The following PRSS23 variants were observed in gnomAD, a reference collection of about 807,000 sequenced individuals.
The protein encoded by PRSS23 is protease, serine 23.
Under a neutral mutation model 34.7 loss-of-function variants are expected in PRSS23, and 25 were observed. The observed-to-expected ratio is 0.72, with a 90% CI of 0.53 to 1.01. The LOEUF is 1.01. Among genes scored for constraint, PRSS23 ranks in the 50% least tolerant of loss-of-function variants. The probability of loss-of-function intolerance (pLI) is 0.00; values close to 1 mark genes in which losing one functional copy is unlikely to be tolerated. For missense variants in PRSS23, 445 were observed against 475.6 expected (o/e 0.94, Z 0.60); for synonymous variants, 176 against 186.6 (o/e 0.94, Z 0.46).
chr11:86,821,155 C>T, intron 1 of PRSS23: 1 of 629,616 alleles, frequency 1.6e-6, no homozygotes, highest in South Asian at 2.3e-5. Flanking sequence ...CTTCACTTTC[C>T]CCAGAAACTG....
intron 2 of PRSS23, among the ~76,000 whole-genome samples, chr11:86,851,435 C>T (rs913224412): frequency 6.6e-6 from 1 of 152,188 alleles, no homozygotes; most frequent in Non-Finnish European, 1.5e-5. Context: ...ACTGGTCTAG[C>T]TGTGGTCTAC....
chr11:86,814,903 G>C (rs1002021945), downstream of PRSS23, among the ~76,000 whole-genome samples: 3 of 152,172 alleles, frequency 2.0e-5, no homozygotes, highest in Admixed American at 2.0e-4. Flanking sequence ...CTTCACTGTG[G>C]TATTTGTCTA....
At chr11:86,887,944 C>T (rs1037551507) in intron 2 of PRSS23, among the ~76,000 whole-genome samples, 2 of 151,516 alleles carry the variant, frequency 1.3e-5, no homozygotes, top group South Asian at 4.2e-4. Flanking sequence ...CCCAGCTACT[C>T]GGGAGGCTGA....
In PRSS23 at chr11:86,808,177, C is replaced by T. The variant is rs139165833; in HGVS notation, c.534C>T (p.His178=). The T allele has an allele frequency of 1.4e-4, 229 of 1,614,162 alleles. 1 individual carries two copies. In the Middle Eastern group the frequency reaches 1.6e-3, roughly 12 times the overall value. ...TCCTCACAGCTGCCCACTGCATACA[C>T]GATGGAAAAACCTATGTGAAAGGAA... is the stretch of plus-strand genomic sequence containing the variant. ...KHVLTAAHCI[H]DGKTYVKGTQ... The change falls in exon 2 of 2, where the codon CAC becomes CAT. Residue 178 remains histidine, a synonymous_variant. Transcript: ENST00000280258.
At chr11:86,950,044 T>G (rs188015808) in intron 2 of PRSS23, 1 of 152,322 alleles carries the variant, frequency 6.6e-6, no homozygotes, top group Non-Finnish European at 1.5e-5. Flanking sequence ...CAAGTTGAAG[T>G]TGACCATAGT....
chr11:86,922,770 A>G (rs546909022), intron 2 of PRSS23, among the ~76,000 whole-genome samples: 2 of 152,340 alleles, frequency 1.3e-5, no homozygotes, highest in South Asian at 2.1e-4. Context: ...TGTGCTTTCC[A>G]GAGCTGTCTG....
intron 2 of PRSS23, among the ~76,000 whole-genome samples, chr11:86,846,059 G>T (rs946159652): frequency 2.6e-5 from 4 of 152,222 alleles, no homozygotes; most frequent in Non-Finnish European, 5.9e-5. Flanking sequence ...AGTTGAAAAG[G>T]CAATTGTATA....
intron 1 of PRSS23, among the ~76,000 whole-genome samples, chr11:86,804,286 A>G (rs1182419464): frequency 6.6e-6 from 1 of 152,230 alleles, no homozygotes; most frequent in Non-Finnish European, 1.5e-5. Flanking sequence ...AAAAATATCT[A>G]AGCCTAATCA....
intron 2 of PRSS23, among the ~76,000 whole-genome samples, chr11:86,916,238 A>G (rs958139212): frequency 5.9e-5 from 9 of 152,210 alleles, no homozygotes; most frequent in African/African-American, 2.2e-4. Flanking sequence ...TTTACAAAAA[A>G]AACCCATAAA....
chr11:86,853,727 T>C (rs1948548110), intron 2 of PRSS23, among the ~76,000 whole-genome samples: 1 of 152,176 alleles, frequency 6.6e-6, no homozygotes, highest in South Asian at 2.1e-4. Context: ...TGGCTTCTAA[T>C]TCTTTTTGGG....
chr11:86,835,656 T>C lies in PRSS23; in HGVS notation c.206+12063T>C, dbSNP rs12273548. Among the ~76,000 whole-genome samples, 12 of 152,168 alleles carry C rather than the reference T, an allele frequency of 7.9e-5. 1 individual carries two copies. The highest frequency in any genetic ancestry group is 2.9e-4 in the African/African-American group (12 of 41,430). On this transcript the variant is annotated intron_variant, in intron 2 of 2. Transcript: ENST00000533902. The stretch of plus-strand genomic sequence containing the variant: ...GGAACCCTCTTAGTTGCTTTAGGGT[T>C]TTAGGATGAGATTAAGCCAGTATAG...
intron 2 of PRSS23, among the ~76,000 whole-genome samples, chr11:86,888,770 T>C (rs1246228505): frequency 6.6e-6 from 1 of 152,188 alleles, no homozygotes; most frequent in African/African-American, 2.4e-5. Flanking sequence ...CACTGGGGTG[T>C]TTGAAACTGA....
At chr11:86,829,104 C>T (rs1948328709) in intron 2 of PRSS23, among the ~76,000 whole-genome samples, 1 of 152,190 alleles carries the variant, frequency 6.6e-6, no homozygotes, top group South Asian at 2.1e-4. Flanking sequence ...AACTTGGTTC[C>T]ATTCTCCCCG....
chr11:86,816,501 T>G (rs1948216054), intron 1 of PRSS23, among the ~76,000 whole-genome samples: 1 of 152,234 alleles, frequency 6.6e-6, no homozygotes, highest in South Asian at 2.1e-4. Context: ...AATAAGTCTT[T>G]GAGTTACCGT....
chr11:86,862,108 C>A (rs1006538618), intron 2 of PRSS23, among the ~76,000 whole-genome samples: 7 of 151,686 alleles, frequency 4.6e-5, no homozygotes, highest in African/African-American at 7.3e-5. Context: ...GGTGTACACC[C>A]CTTGTGATAT....
chr11:86,873,326 T>C (rs189922651), intron 2 of PRSS23, among the ~76,000 whole-genome samples: 1 of 151,054 alleles, frequency 6.6e-6, no homozygotes, highest in Non-Finnish European at 1.5e-5. Context: ...GGAGTTTCAC[T>C]CTGTTATCCA....
intron 1 of PRSS23, among the ~76,000 whole-genome samples, chr11:86,801,701 T>C (rs1261632435): frequency 1.3e-5 from 2 of 152,210 alleles, no homozygotes; most frequent in African/African-American, 4.8e-5. Context: ...AAGATCCTAC[T>C]TGTGCATGCG....
rs561682096 is a variant in PRSS23 at position 86,853,242 on chromosome 11, C to CTTTTTTT, written c.206+29675_206+29681dup. ...TGCAGCCTGTGTCACAAGTGCCTGC[C>CTTTTTTT]TTTTTTTTTTTTTTTTTTTTTTTTT... On this transcript the variant is annotated intron_variant, in intron 2 of 2. Transcript: ENST00000533902. Among the ~76,000 whole-genome samples, 6 of 47,766 alleles carry CTTTTTTT rather than the reference C, an allele frequency of 1.3e-4. 2 individuals are homozygous for CTTTTTTT. The highest frequency in any genetic ancestry group is 2.6e-4 in the African/African-American group (3 of 11,328). The allele number at this position is 47,766 out of a possible 152,430, so 31.3% of individuals were successfully genotyped here. A position where few individuals can be genotyped will look rare whatever the true frequency, so the allele number is the denominator to read the frequency against.
intron 1 of PRSS23, among the ~76,000 whole-genome samples, chr11:86,822,734 G>C (rs906527695): frequency 2.0e-5 from 3 of 152,166 alleles, no homozygotes; most frequent in African/African-American, 7.2e-5. Context: ...CCAGGAATGG[G>C]ATGGGGCCAC....
Sources: gnomAD v4.1 joint callset for allele counts (sites outside exome capture counted in the v4.1 genomes callset) on GRCh38, gnomAD v4.1.1 for gene constraint, MANE v1.5 for transcripts, NCBI Gene and HGNC (gene_info 2026-07-23, HGNC 2026-07-21) for gene names.